SH3BP4: variants seen among roughly 807,000 people sequenced by gnomAD.
SH3BP4 encodes the protein SH3 domain binding protein 4, also known as SH3 domain-binding protein 4.
In SH3BP4, 33 loss-of-function variants were observed where a neutral mutation model predicts 65.5. The observed-to-expected ratio is 0.50, with a 90% CI of 0.38 to 0.67. The LOEUF is 0.67. Ranked by LOEUF, SH3BP4 falls within the 30% of genes least tolerant of loss-of-function variation. The pLI is 0.00. For synonymous variants in SH3BP4, 552 were observed against 545.5 expected (o/e 1.01, Z -0.17); for missense variants, 1,134 against 1,261.4 (o/e 0.90, Z 1.53).
At chr2:234,988,279 T>A (rs1473004577) in intron 1 of SH3BP4, among the ~76,000 whole-genome samples, 6 of 152,148 alleles carry the variant, frequency 3.9e-5, no homozygotes, top group Admixed American at 6.6e-5. Context: ...CAGGATAGTC[T>A]TGATCTCCTG....
chr2:235,016,654 G>A (rs573328528), intron 2 of SH3BP4, among the ~76,000 whole-genome samples: 3 of 152,202 alleles, frequency 2.0e-5, no homozygotes, highest in Admixed American at 6.5e-5. Context: ...GACTACAGGC[G>A]CACACCACCA....
At chr2:235,001,423 C>T (rs116807553) in intron 2 of SH3BP4, among the ~76,000 whole-genome samples, 2,268 of 152,262 alleles carry the variant, frequency 0.015, 64 homozygotes, top group African/African-American at 0.052. Context: ...TAAGCCGAGG[C>T]GGGACCTAAT....
At chr2:234,953,864 G>A (rs911080415) in intron 1 of SH3BP4, among the ~76,000 whole-genome samples, 4 of 151,838 alleles carry the variant, frequency 2.6e-5, no homozygotes, top group Non-Finnish European at 5.9e-5. Context: ...CCTCAGAGTG[G>A]GAAGCTTGGG....
chr2:235,007,082 C>G (rs1359969309), intron 2 of SH3BP4, among the ~76,000 whole-genome samples: 2 of 152,100 alleles, frequency 1.3e-5, no homozygotes, highest in Non-Finnish European at 2.9e-5. Context: ...GAAATGAATT[C>G]CATTTCCTAG....
chr2:235,025,018 G>A (rs1382782431), intron 2 of SH3BP4, among the ~76,000 whole-genome samples: 1 of 152,050 alleles, frequency 6.6e-6, no homozygotes, highest in African/African-American at 2.4e-5. Flanking sequence ...CACTGGCTGG[G>A]GACCAGAGCT....
In SH3BP4 at chr2:235,042,387, T is replaced by C. The variant is rs1187858524; in HGVS notation, c.1618T>C (p.Cys540Arg). 2.5e-6 allele frequency: 4 copies of C among 1,614,130 alleles called. No homozygotes were observed. The Admixed American group carries it at 6.7e-5, about 27-fold the overall frequency. ...VLSRPQDLKV[C>R]MFSNMTNYEV... ...GTCCAGGCCCCAGGATCTCAAGGTC[T>C]GTATGTTTTCCAATATGACGAATTA... The change falls in exon 4 of 6, where the codon TGT (cysteine) becomes CGT (arginine). Residue 540 changes from cysteine (C) to arginine (R), a missense_variant. By Grantham distance (180) the Cys-to-Arg change is radical. Coordinates refer to ENST00000392011, the MANE Select transcript of SH3BP4 (RefSeq NM_014521.3). The surrounding 1 kb of genome is among the most constrained non-coding windows in gnomAD (Gnocchi z 7.3).
At chr2:235,043,288 T>G in intron 4 of SH3BP4, 41 bp downstream of exon 4, 3 of 1,491,106 alleles carry the variant, frequency 2.0e-6, no homozygotes, top group Non-Finnish European at 2.7e-6. Context: ...GGGGTGCTGC[T>G]CAGCAAAGCC....
At chr2:234,968,087 G>A (rs2106244909) in intron 1 of SH3BP4, among the ~76,000 whole-genome samples, 1 of 152,344 alleles carries the variant, frequency 6.6e-6, no homozygotes, top group African/African-American at 2.4e-5. Flanking sequence ...ATGGAATGAA[G>A]GGAGCAGCTG....
chr2:234,957,626 A>T (rs1471156741), intron 1 of SH3BP4, among the ~76,000 whole-genome samples: 1 of 151,946 alleles, frequency 6.6e-6, no homozygotes, highest in Non-Finnish European at 1.5e-5. Context: ...GGAGCTTAAA[A>T]AAACAACAAT....
intron 2 of SH3BP4, among the ~76,000 whole-genome samples, chr2:235,025,505 G>T (rs747808911): frequency 6.6e-6 from 1 of 152,164 alleles, no homozygotes; most frequent in Non-Finnish European, 1.5e-5. Flanking sequence ...ATGTCTGAGC[G>T]CAACAGTCAT....
chr2:235,041,797 A>G lies in SH3BP4; in HGVS notation c.1028A>G (p.Glu343Gly). Residue 343 changes from glutamate (E) to glycine (G), a missense_variant, in exon 4 of 6, where the codon GAG becomes GGG. By Grantham distance (98) the Glu-to-Gly change is moderately conservative (BLOSUM62 -2). Coordinates refer to ENST00000392011, the MANE Select transcript of SH3BP4 (RefSeq NM_014521.3). The surrounding 1 kb of genome is among the most constrained non-coding windows in gnomAD (Gnocchi z 6.0). ...ACCAGCATCAGCATCCACGTGCCCGAGGGCCACGTCGCCCCTGGGGAGACC... is the reference window on the plus strand; with the variant it reads ...ACCAGCATCAGCATCCACGTGCCCGGGGGCCACGTCGCCCCTGGGGAGACC... Reference protein sequence around the residue: ...PDTSISIHVPEGHVAPGETQQ... With the variant: ...PDTSISIHVPGGHVAPGETQQ... 6.3e-7 allele frequency: 1 copy of G among 1,595,268 alleles called. No homozygotes were observed. Among genetic ancestry groups the G allele is most frequent in the South Asian group, 1.1e-5 (1 of 88,944 alleles).
Position 235,054,030 on chromosome 2 carries a change from C to T in SH3BP4, c.*214C>T, listed in dbSNP as rs1363944215. ...CTGCAGCTCGTTGCCAATCACATAGCTTTCTATTTGTTAAGTATAAATTTA... is the reference window on the plus strand; with the variant it reads ...CTGCAGCTCGTTGCCAATCACATAGTTTTCTATTTGTTAAGTATAAATTTA... On this transcript the variant is annotated 3_prime_UTR_variant, in exon 6 of 6. Coordinates refer to ENST00000392011, the MANE Select transcript of SH3BP4 (RefSeq NM_014521.3). The T allele has an allele frequency of 1.6e-5, 8 of 509,232 alleles. No homozygotes were observed. Among genetic ancestry groups the T allele is most frequent in the Middle Eastern group, 5.1e-4 (1 of 1,942 alleles). The allele number at this position is 509,232 out of a possible 1,614,324, so 31.5% of individuals were successfully genotyped here. A position where few individuals can be genotyped will look rare whatever the true frequency, so the allele number is the denominator to read the frequency against.
chr2:234,956,928 T>G lies in SH3BP4; in HGVS notation c.-207+4758T>G, dbSNP rs183315362. 4.1e-4 allele frequency among the ~76,000 whole-genome samples: 62 copies of G among 152,280 alleles called. 1 individual carries two copies. In the East Asian group the frequency reaches 0.011, roughly 27 times the overall value. On this transcript the variant is annotated intron_variant, in intron 1 of 5. Coordinates refer to ENST00000392011, the MANE Select transcript of SH3BP4 (RefSeq NM_014521.3). ...CCAATGTAGGAGGTCCCTGAGCTCA[T>G]AGTGTGCCGGTAAACCTGCTCTCTG...
At position 235,042,585 on chromosome 2, in the gene SH3BP4, G is replaced by A. The variant is rs1195629726; in HGVS notation, c.1816G>A (p.Val606Ile). Residue 606 changes from valine to isoleucine, a missense_variant, in exon 4 of 6, where the codon GTC (valine) becomes ATC (isoleucine). Val to Ile is a conservative substitution (Grantham distance 29). Transcript: ENST00000392011. This position sits in a 1 kb window ranked among gnomAD's most constrained non-coding sequence, Gnocchi z 7.3. ...GGAGGCCATCCTCACCCAGTTTTGT[G>A]TCCAGACTCCTCAGCCACCCCCTAA... ...DQEAILTQFC[V>I]QTPQPPPKSA... The A allele has an allele frequency of 1.2e-6, 2 of 1,614,078 alleles. No individual in the cohort carries two copies. Among genetic ancestry groups the A allele is most frequent in the Middle Eastern group, 1.6e-4 (1 of 6,062 alleles).
rs62186390 is a variant in SH3BP4, at chr2:235,052,491, G to A, written c.2479-71G>A. The A allele has an allele frequency of 0.015, 19,887 of 1,294,072 alleles. 204 individuals carry two copies. The highest frequency in any genetic ancestry group is 0.018 in the Non-Finnish European group (17,336 of 959,708). 80.2% of individuals were successfully genotyped at this position (1,294,072 alleles called of 1,614,324 possible). A position where few individuals can be genotyped will look rare whatever the true frequency, so the allele number is the denominator to read the frequency against. On this transcript the variant is annotated intron_variant, in intron 4 of 5. Coordinates refer to ENST00000392011, the MANE Select transcript of SH3BP4 (RefSeq NM_014521.3). This position sits in a 1 kb window ranked among gnomAD's most constrained non-coding sequence, Gnocchi z 5.0. ...CATGGCCATTCCTGCGCCGTCTGCTGGAATTCTGCGGGGAGCAGAGCCTGC... is the reference window on the plus strand; with the variant it reads ...CATGGCCATTCCTGCGCCGTCTGCTAGAATTCTGCGGGGAGCAGAGCCTGC...
chr2:235,034,963 A>G lies in SH3BP4; in HGVS notation c.-40A>G, dbSNP rs769537176. ...TGCTGGGATAACTGGAGGAAGAAAT[A>G]TGAAGCCTTAGCGGCTTTACCCGGG... is the stretch of plus-strand genomic sequence containing the variant. On this transcript the variant is annotated 5_prime_UTR_variant, in exon 3 of 6. In the 5' UTR this introduces an upstream ATG that the reference lacks. Transcript: ENST00000392011. This position sits in a 1 kb window ranked among gnomAD's most constrained non-coding sequence, Gnocchi z 6.2. The G allele has an allele frequency of 2.6e-6, 4 of 1,538,152 alleles. No individual in the cohort carries two copies. The highest frequency in any genetic ancestry group is 1.7e-4 in the Middle Eastern group (1 of 5,872).
intron 2 of SH3BP4, among the ~76,000 whole-genome samples, chr2:234,998,944 C>T (rs563668980): frequency 1.1e-4 from 16 of 152,290 alleles, no homozygotes; most frequent in South Asian, 4.1e-4. Context: ...CTGACCTCCC[C>T]GTAATCAGCA....
At position 235,030,957 on chromosome 2, in the gene SH3BP4, T is replaced by C. The variant is rs540578802; in HGVS notation, c.-132-3914T>C. Among the ~76,000 whole-genome samples the C allele has an allele frequency of 6.6e-6, 1 of 152,228 alleles. No homozygotes were observed. The highest frequency in any genetic ancestry group is 6.5e-5 in the Admixed American group (1 of 15,298). On this transcript the variant is annotated intron_variant, in intron 2 of 5. Coordinates refer to ENST00000392011, the MANE Select transcript of SH3BP4 (RefSeq NM_014521.3). This position sits in a 1 kb window ranked among gnomAD's most constrained non-coding sequence, Gnocchi z 4.1. ...GGCACCTCTGTTACTCACCCCTGAA[T>C]GTCTGGATGGGTGTTACAGCTACAC...
intron 1 of SH3BP4, among the ~76,000 whole-genome samples, chr2:234,956,290 T>A (rs1246290860): frequency 1.3e-5 from 2 of 152,180 alleles, no homozygotes; most frequent in African/African-American, 4.8e-5. Context: ...TTTGGGCACA[T>A]GGGGTCACTA....
Sources: gnomAD v4.1 joint callset for allele counts (sites outside exome capture counted in the v4.1 genomes callset) on GRCh38, gnomAD v4.1.1 for gene constraint, Gnocchi (gnomAD v3.1) non-coding constraint, MANE v1.5 for transcripts, NCBI Gene and HGNC (gene_info 2026-07-23, HGNC 2026-07-21) for gene names.